PTPRM: variants seen among roughly 807,000 people sequenced by gnomAD.
PTPRM encodes the protein protein tyrosine phosphatase receptor type M, also known as receptor-type tyrosine-protein phosphatase mu.
PTPRM carries 47 observed loss-of-function variants against 186.7 expected under a neutral mutation model. The observed-to-expected ratio is 0.25, with a 90% CI of 0.20 to 0.32. The LOEUF (loss-of-function observed/expected upper bound fraction) is 0.32, where lower values mean the gene tolerates loss of function less well. PTPRM is among the 10% of genes least tolerant of loss of function. The pLI is 1.00. For synonymous variants in PTPRM, 668 were observed against 674.9 expected (o/e 0.99, Z 0.16); for missense variants, 1,494 against 1,865.0 (o/e 0.80, Z 3.66).
chr18:8,288,702 A>G (rs2094986671), intron 19 of PTPRM, among the ~76,000 whole-genome samples: 1 of 152,116 alleles, frequency 6.6e-6, no homozygotes, highest in South Asian at 2.1e-4. Context: ...CCACTTGATC[A>G]ATGGTTCTCA....
At chr18:7,992,746 T>A (rs1222909726) in intron 7 of PTPRM, among the ~76,000 whole-genome samples, 2 of 152,078 alleles carry the variant, frequency 1.3e-5, no homozygotes, top group Non-Finnish European at 2.9e-5. Flanking sequence ...ATGAGTTAAG[T>A]TACTATGTGA....
chr18:8,242,220 G>A (rs1458209502), intron 14 of PTPRM, among the ~76,000 whole-genome samples: 1 of 152,158 alleles, frequency 6.6e-6, no homozygotes, highest in East Asian at 1.9e-4. Flanking sequence ...GCATAAATCA[G>A]TCCAAAGCAA....
At chr18:7,792,981 C>T (rs1252538347) in intron 2 of PTPRM, among the ~76,000 whole-genome samples, 2 of 152,000 alleles carry the variant, frequency 1.3e-5, no homozygotes, top group Admixed American at 6.6e-5. Flanking sequence ...ATTTTATTAC[C>T]AAGTTACCTA....
Position 7,946,853 on chromosome 18 carries a change from G to A in PTPRM, c.664-2328G>A, listed in dbSNP as rs2052559511. On this transcript the variant is annotated intron_variant, in intron 5 of 32. Transcript: ENST00000580170. ...TCCAAGTGGCAGGAACTGTACTATT[G>A]CAGCACTCCTGTCTGCTTTCTCACT... is the stretch of plus-strand genomic sequence containing the variant. 3 of 445,090 alleles carry A rather than the reference G, an allele frequency of 6.7e-6. No homozygotes were observed. The Admixed American group carries it at 7.2e-5, about 11-fold the overall frequency. 27.6% of individuals were successfully genotyped at this position (445,090 alleles called of 1,614,324 possible).
intron 1 of PTPRM, among the ~76,000 whole-genome samples, chr18:7,671,393 C>T (rs1674734240): frequency 6.6e-6 from 1 of 152,190 alleles, no homozygotes; most frequent in African/African-American, 2.4e-5. Context: ...TTTTCCCTGC[C>T]TCTCCCCCTT....
intron 11 of PTPRM, among the ~76,000 whole-genome samples, chr18:8,095,124 C>T (rs2145434013): frequency 6.6e-6 from 1 of 152,180 alleles, no homozygotes; most frequent in South Asian, 2.1e-4. Context: ...CTCTCTTCTC[C>T]AGGGGCTGGC....
At position 7,676,693 on chromosome 18, in the gene PTPRM, G is replaced by A. The variant is rs1006929568; in HGVS notation, c.74-97456G>A. ...TGTGTGTGTGTGTGTGTGTGTGCGC[G>A]TGCACGCGCACGCGCATGGATTAGG... is the stretch of plus-strand genomic sequence containing the variant. On this transcript the variant is annotated intron_variant, in intron 1 of 32. Transcript: ENST00000580170. Among the ~76,000 whole-genome samples, 32 of 151,590 alleles carry A rather than the reference G, an allele frequency of 2.1e-4. 1 individual carries two copies. The highest frequency in any genetic ancestry group is 1.6e-3 in the Admixed American group (24 of 15,222).
chr18:8,261,752 A>G (rs530319337), intron 19 of PTPRM, among the ~76,000 whole-genome samples: 2 of 152,270 alleles, frequency 1.3e-5, no homozygotes, highest in South Asian at 2.1e-4. Flanking sequence ...ACAACTCTCC[A>G]TGCTCCCGCT....
intron 32 of PTPRM, among the ~76,000 whole-genome samples, chr18:8,398,995 C>T (rs2095858470): frequency 6.6e-6 from 1 of 152,084 alleles, no homozygotes; most frequent in African/African-American, 2.4e-5. Context: ...TGTAAATATA[C>T]TGAAAACCAC....
At chr18:8,173,676 C>G (rs1040879798) in intron 14 of PTPRM, among the ~76,000 whole-genome samples, 2 of 152,164 alleles carry the variant, frequency 1.3e-5, no homozygotes, top group African/African-American at 4.8e-5. Flanking sequence ...GCTTGGCAGG[C>G]CAGAGAGTCT....
chr18:8,383,296 CAAAAAAAAAAAAAAAAAAA>C (rs59442781), intron 29 of PTPRM, among the ~76,000 whole-genome samples: 606 of 30,542 alleles, frequency 0.02, 25 homozygotes, highest in Non-Finnish European at 0.024. Context: ...GCTTCTGCCT[CAAAAAAAAAAAAAAAAAAA>C]AAAAAAAAAA....
intron 2 of PTPRM, among the ~76,000 whole-genome samples, chr18:7,812,384 T>A (rs1368288345): frequency 6.6e-6 from 1 of 152,202 alleles, no homozygotes; most frequent in Non-Finnish European, 1.5e-5. Context: ...ATAAGCTGCT[T>A]TTCTCTTTCT....
intron 14 of PTPRM, among the ~76,000 whole-genome samples, chr18:8,217,856 G>A (rs2094108570): frequency 6.6e-6 from 1 of 152,060 alleles, no homozygotes; most frequent in South Asian, 2.1e-4. Context: ...TTCTTGAAAT[G>A]TTTTCTTTTT....
intron 2 of PTPRM, among the ~76,000 whole-genome samples, chr18:7,881,698 C>G (rs2048517481): frequency 6.6e-6 from 1 of 152,082 alleles, no homozygotes; most frequent in African/African-American, 2.4e-5. Flanking sequence ...CATTTTGTTC[C>G]CGTACCCTCT....
At chr18:8,159,138 TAAG>T (rs2093179686) in intron 14 of PTPRM, among the ~76,000 whole-genome samples, 1 of 150,116 alleles carries the variant, frequency 6.7e-6, no homozygotes, top group Non-Finnish European at 1.5e-5. Flanking sequence ...AATTAATTTT[TAAG>T]AAGGATACAG....
intron 1 of PTPRM, among the ~76,000 whole-genome samples, chr18:7,748,775 A>G (rs2041068485): frequency 6.6e-6 from 1 of 152,282 alleles, no homozygotes; most frequent in African/African-American, 2.4e-5. Flanking sequence ...CCACTTTTAA[A>G]CAATCTGAAA....
intron 22 of PTPRM, among the ~76,000 whole-genome samples, chr18:8,325,691 A>AAAT (rs2095371456): frequency 6.6e-6 from 1 of 152,208 alleles, no homozygotes; most frequent in Non-Finnish European, 1.5e-5. Flanking sequence ...TTGGGTATAC[A>AAAT]GCCAATAATG....
chr18:8,395,413 T>C (rs1264129592), intron 32 of PTPRM, among the ~76,000 whole-genome samples: 2 of 151,728 alleles, frequency 1.3e-5, no homozygotes, highest in African/African-American at 2.4e-5. Flanking sequence ...TAAGAGGGAG[T>C]TGAGAGTCAA....
chr18:7,625,781 C>T (rs560134426), intron 1 of PTPRM, among the ~76,000 whole-genome samples: 10 of 152,216 alleles, frequency 6.6e-5, no homozygotes, highest in African/African-American at 9.6e-5. Context: ...GTGATCCGCC[C>T]GCCTCGGCCT....
Sources: allele counts gnomAD v4.1 joint callset (sites outside exome capture counted in the v4.1 genomes callset), GRCh38; gene constraint gnomAD v4.1.1; transcripts MANE v1.5; gene names NCBI Gene and HGNC (gene_info 2026-07-23, HGNC 2026-07-21).